The following DMD variants were observed in gnomAD, a reference collection of about 807,000 sequenced individuals.
DMD encodes the protein dystrophin, also known as mutant dystrophin.
DMD carries 63 observed loss-of-function variants against 330.1 expected under a neutral mutation model. The observed-to-expected ratio is 0.19, with a 90% CI of 0.16 to 0.24. DMD has a LOEUF of 0.24. DMD is among the 10% of genes least tolerant of loss of function. The pLI, the probability that DMD is intolerant of heterozygous loss-of-function variation, is 1.00. For synonymous variants in DMD, 1,223 were observed against 959.8 expected, an observed-to-expected ratio of 1.27 and a Z score of -5.07; for missense variants, 3,344 against 2,684.1, an observed-to-expected ratio of 1.25 and a Z score of -5.43.
At chrX:32,907,298 T>C (rs2086804015) in intron 2 of DMD, among the ~76,000 whole-genome samples, 1 of 112,418 alleles carries the variant, frequency 8.9e-6, no homozygotes, top group African/African-American at 3.2e-5. Flanking sequence ...TGAGGTTTCA[T>C]ACGAAATTCA....
At chrX:31,996,129 C>T (rs2095584310) in intron 44 of DMD, among the ~76,000 whole-genome samples, 1 of 111,741 alleles carries the variant, frequency 8.9e-6, no homozygotes, top group African/African-American at 3.3e-5. Flanking sequence ...AACACATAGG[C>T]ATGGAGAGAA....
intron 47 of DMD, among the ~76,000 whole-genome samples, chrX:31,889,647 T>TCTCACACACACACACACA (rs796563415): frequency 1.4e-5 from 1 of 71,615 alleles, no homozygotes; most frequent in African/African-American, 5.6e-5. Flanking sequence ...TCTCTCTCTC[T>TCTCACACACACACACACA]CACACACACA....
At chrX:32,294,329 C>T (rs1459592265) in intron 42 of DMD, among the ~76,000 whole-genome samples, 1 of 112,242 alleles carries the variant, frequency 8.9e-6, no homozygotes, top group Non-Finnish European at 1.9e-5. Flanking sequence ...GCTGTAAGCA[C>T]CCATGGAGAA....
chrX:31,299,294 G>A (rs73464402), intron 62 of DMD, among the ~76,000 whole-genome samples: 1 of 110,960 alleles, frequency 9.0e-6, no homozygotes, highest in Non-Finnish European at 1.9e-5. Context: ...GAAAGCTTTA[G>A]AGTAGAACAG....
chrX:32,035,197 G>T (rs1046855506), intron 44 of DMD, among the ~76,000 whole-genome samples: 3 of 111,257 alleles, frequency 2.7e-5, no homozygotes, highest in African/African-American at 9.8e-5. Flanking sequence ...CAATTATTTT[G>T]CAAAAGACGA....
rs755944159 is a variant in DMD, at chrX:32,572,279, G to A, written c.1812+1251C>T. Among the ~76,000 whole-genome samples, 7 of 111,560 alleles carry A rather than the reference G, an allele frequency of 6.3e-5. No individual in the cohort carries two copies. In the South Asian group the frequency reaches 1.1e-3, roughly 18 times the overall value. ...AAATAAATAGCTGGTAAAATGGTAC[G>A]TATTTAAAATGAGTGGAAAAATTTA... On this transcript the variant is annotated intron_variant, in intron 15 of 78. Coordinates refer to ENST00000357033, the MANE Select transcript of DMD (RefSeq NM_004006.3).
chrX:32,226,507 G>A (rs2097148173), intron 43 of DMD, among the ~76,000 whole-genome samples: 2 of 111,828 alleles, frequency 1.8e-5, no homozygotes. Context: ...TTAGAATAAG[G>A]AAGATGTTTT....
chrX:31,416,287 G>A (rs1356617934), intron 60 of DMD, among the ~76,000 whole-genome samples: 2 of 112,132 alleles, frequency 1.8e-5, no homozygotes, highest in African/African-American at 6.5e-5. Context: ...TCGCAAATGT[G>A]TTTTTGCTGA....
chrX:31,342,348 G>A (rs1326641757), intron 61 of DMD, among the ~76,000 whole-genome samples: 1 of 112,003 alleles, frequency 8.9e-6, no homozygotes, highest in Admixed American at 9.5e-5. Context: ...GTGATCCATG[G>A]CATAAAGTTT....
chrX:31,985,164 C>G (rs2095501129), intron 44 of DMD, among the ~76,000 whole-genome samples: 1 of 111,714 alleles, frequency 9.0e-6, no homozygotes, highest in East Asian at 2.8e-4. Context: ...AGAGAAGAAC[C>G]ACTTATAAAC....
At chrX:32,684,870 T>C (rs2062737364) in intron 9 of DMD, among the ~76,000 whole-genome samples, 1 of 111,272 alleles carries the variant, frequency 9.0e-6, no homozygotes, top group Non-Finnish European at 1.9e-5. Context: ...CTTCGTATGT[T>C]ATAAATGTTA....
intron 7 of DMD, among the ~76,000 whole-genome samples, chrX:32,788,951 T>C (rs2075618908): frequency 9.0e-6 from 1 of 111,562 alleles, no homozygotes. Context: ...GTGATGTCAA[T>C]TAGTAACAAG....
chrX:32,760,081 G>A (rs922605583), intron 7 of DMD, among the ~76,000 whole-genome samples: 6 of 96,843 alleles, frequency 6.2e-5, no homozygotes, highest in African/African-American at 2.3e-4. Flanking sequence ...TTATACTTTT[G>A]ACTCTTGTAA....
chrX:32,796,030 C>G (rs2076156665), intron 7 of DMD, among the ~76,000 whole-genome samples: 1 of 111,175 alleles, frequency 9.0e-6, no homozygotes, highest in South Asian at 3.8e-4. Flanking sequence ...AGTATAGCCA[C>G]TATTGAAAAC....
intron 45 of DMD, among the ~76,000 whole-genome samples, chrX:31,936,597 T>C (rs996200408): frequency 8.1e-5 from 9 of 111,626 alleles, no homozygotes; most frequent in African/African-American, 2.6e-4. Flanking sequence ...ATCTGAAACA[T>C]AGATTAATTG....
At chrX:31,306,409 G>T (rs2055038499) in intron 62 of DMD, among the ~76,000 whole-genome samples, 1 of 110,889 alleles carries the variant, frequency 9.0e-6, no homozygotes, top group South Asian at 3.8e-4. Flanking sequence ...TACATCTTTG[G>T]ACTCTCATGC....
chrX:33,215,274 G>T (rs762319525), upstream of DMD, among the ~76,000 whole-genome samples: 1 of 104,522 alleles, frequency 9.6e-6, no homozygotes, highest in African/African-American at 3.6e-5. Flanking sequence ...GCAGTGAGCC[G>T]AGACTGTGCC....
At chrX:32,689,703 A>G (rs990117623) in intron 9 of DMD, among the ~76,000 whole-genome samples, 2 of 111,168 alleles carry the variant, frequency 1.8e-5, no homozygotes, top group African/African-American at 6.5e-5. Flanking sequence ...ATATACCATG[A>G]CCAAGTGAGA....
At chrX:32,255,339 AAATTTT>A (rs2097293931) in intron 43 of DMD, among the ~76,000 whole-genome samples, 1 of 111,381 alleles carries the variant, frequency 9.0e-6, no homozygotes, top group Non-Finnish European at 1.9e-5. Context: ...GTTCTTTGTT[AAATTTT>A]ATTTTAAGAA....
Sources: allele counts gnomAD v4.1 joint callset (sites outside exome capture counted in the v4.1 genomes callset), GRCh38; gene constraint gnomAD v4.1.1; transcripts MANE v1.5; gene names NCBI Gene and HGNC (gene_info 2026-07-23, HGNC 2026-07-21).